Variants in RAPGEF1 observed in about 807,000 individuals in gnomAD.
RAPGEF1 encodes CRK SH3-binding GNRP.
A neutral mutation model predicts 143.3 loss-of-function variants in RAPGEF1; 33 were observed. That is an observed-to-expected ratio of 0.23 (90% CI 0.17 to 0.31). RAPGEF1 has a LOEUF of 0.31. RAPGEF1 is among the 10% of genes least tolerant of loss of function. The pLI is 1.00. For synonymous variants in RAPGEF1, 629 were observed against 676.5 expected (o/e 0.93, Z 1.09); for missense variants, 1,199 against 1,645.4 (o/e 0.73, Z 4.69).
At position 131,715,218 on chromosome 9, in the gene RAPGEF1, C is replaced by T. The variant is rs1239316674; in HGVS notation, c.61+24552G>A. Among the ~76,000 whole-genome samples the T allele has an allele frequency of 5.3e-5, 8 of 152,174 alleles. No individual in the cohort carries two copies. The South Asian group carries it at 1.5e-3, about 28-fold the overall frequency. ...TACCAACACGGAGCTTGGGGAGGGT[C>T]GGATAACATGCACGAAGAATCACTT... On this transcript the variant is annotated intron_variant, in intron 1 of 26. Transcript: ENST00000683357.
chr9:131,630,291 G>A lies in RAPGEF1; in HGVS notation c.685C>T (p.Arg229Cys), dbSNP rs200166424. The change falls in exon 6 of 27, where the codon CGT (arginine) becomes TGT (cysteine). Residue 229 changes from arginine (R) to cysteine (C), a missense_variant. Physicochemically the swap from Arg to Cys is radical, Grantham distance 180. Transcript: ENST00000683357. ...TTCACGGGGCTCGTCGGAGACGGAC[G>A]TCCCTGCTTCTCGATGGTGAGCCTG... ...LVRLTIEKQG[R>C]PSPTSPVKPS... The A allele has an allele frequency of 4.1e-5, 66 of 1,613,608 alleles. No homozygotes were observed. Among genetic ancestry groups the A allele is most frequent in the Non-Finnish European group, 5.3e-5 (63 of 1,179,854 alleles).
intron 1 of RAPGEF1, among the ~76,000 whole-genome samples, chr9:131,724,812 T>C (rs1836534207): frequency 1.3e-5 from 2 of 152,214 alleles, no homozygotes; most frequent in Admixed American, 6.5e-5. Context: ...CTGTTCTCCC[T>C]TGTTGCAGAA....
chr9:131,693,791 C>A (rs186874728), intron 1 of RAPGEF1, among the ~76,000 whole-genome samples: 6 of 146,676 alleles, frequency 4.1e-5, no homozygotes, highest in African/African-American at 1.2e-4. Context: ...CCATTATATC[C>A]AGGGAATCTG....
At chr9:131,622,577 G>C (rs1315763574) in intron 10 of RAPGEF1, among the ~76,000 whole-genome samples, 1 of 152,172 alleles carries the variant, frequency 6.6e-6, no homozygotes, top group East Asian at 1.9e-4. Flanking sequence ...CTCTCTCCAG[G>C]AGTGTCACTG....
intron 1 of RAPGEF1, among the ~76,000 whole-genome samples, chr9:131,734,101 A>AT: frequency 6.6e-6 from 1 of 152,252 alleles, no homozygotes; most frequent in South Asian, 2.1e-4. Context: ...TCATTGGTAG[A>AT]TCTTTTTTTT....
chr9:131,683,473 G>A (rs1833084031), intron 1 of RAPGEF1, among the ~76,000 whole-genome samples: 1 of 152,234 alleles, frequency 6.6e-6, no homozygotes, highest in East Asian at 1.9e-4. Context: ...TACAACCTAT[G>A]GGAGCATTAC....
chr9:131,705,318 G>C (rs1449718878), intron 1 of RAPGEF1, among the ~76,000 whole-genome samples: 1 of 151,976 alleles, frequency 6.6e-6, no homozygotes, highest in East Asian at 1.9e-4. Flanking sequence ...TGAACCCTGC[G>C]ACTGCCCGCC....
intron 12 of RAPGEF1, among the ~76,000 whole-genome samples, chr9:131,612,511 T>A (rs1290380080): frequency 6.6e-6 from 1 of 152,234 alleles, no homozygotes; most frequent in Non-Finnish European, 1.5e-5. Flanking sequence ...CCAGTCCTGC[T>A]GCTGAGATGG....
At position 131,721,771 on chromosome 9, in the gene RAPGEF1, C is replaced by T. The variant is rs570663228; in HGVS notation, c.61+17999G>A. Reference sequence around the variant, plus strand: ...CGTAGACTTTTTTCTTGTCAATATTCCCTAAGTAAGATGGTATAGCACCTA... The same window carrying T: ...CGTAGACTTTTTTCTTGTCAATATTTCCTAAGTAAGATGGTATAGCACCTA... On this transcript the variant is annotated intron_variant, in intron 1 of 26. Coordinates refer to ENST00000683357, the MANE Select transcript of RAPGEF1 (RefSeq NM_001377935.1). 5.9e-5 allele frequency among the ~76,000 whole-genome samples: 9 copies of T among 151,966 alleles called. No homozygotes were observed. In the South Asian group the frequency reaches 1.0e-3, roughly 18 times the overall value.
chr9:131,639,924 A>T (rs1031129771), intron 4 of RAPGEF1, among the ~76,000 whole-genome samples: 1 of 152,234 alleles, frequency 6.6e-6, no homozygotes. Context: ...GCAAGGATCT[A>T]AAGTTTCCAT....
At chr9:131,709,576 G>C (rs760316734) in intron 1 of RAPGEF1, 1 of 1,591,840 alleles carries the variant, frequency 6.3e-7, no homozygotes, top group Non-Finnish European at 8.6e-7. Context: ...AGAGAAAACT[G>C]CCTCCTTGCT....
chr9:131,674,113 T>C (rs73561732), intron 1 of RAPGEF1, among the ~76,000 whole-genome samples: 2 of 152,332 alleles, frequency 1.3e-5, no homozygotes, highest in African/African-American at 2.4e-5. Flanking sequence ...GCTTTACAAA[T>C]TGAACCACCA....
rs73660054 is a variant in RAPGEF1, at chr9:131,738,291, A to G, written c.61+1479T>C. Among the ~76,000 whole-genome samples the G allele has an allele frequency of 5.7e-3, 868 of 152,030 alleles. 12 individuals carry two copies. Among genetic ancestry groups the G allele is most frequent in the African/African-American group, 0.02 (842 of 41,490 alleles). ...AAGTTCTTATAAAAGAACTCAGTGAATGTTCTTTTTAAAATAAATTATCCA... is the reference window on the plus strand; with the variant it reads ...AAGTTCTTATAAAAGAACTCAGTGAGTGTTCTTTTTAAAATAAATTATCCA... On this transcript the variant is annotated intron_variant, in intron 1 of 26. Transcript: ENST00000683357.
intron 1 of RAPGEF1, among the ~76,000 whole-genome samples, chr9:131,658,582 C>T (rs778199164): frequency 2.0e-5 from 3 of 152,068 alleles, no homozygotes; most frequent in African/African-American, 7.2e-5. Context: ...GTGATGTTAC[C>T]AACAGCAGCC....
chr9:131,721,218 A>T (rs1836242568), intron 1 of RAPGEF1, among the ~76,000 whole-genome samples: 1 of 151,992 alleles, frequency 6.6e-6, no homozygotes, highest in Non-Finnish European at 1.5e-5. Flanking sequence ...GTTAATGATT[A>T]CTCCCTCAGT....
At chr9:131,658,569 A>C (rs560021673) in intron 1 of RAPGEF1, among the ~76,000 whole-genome samples, 33 of 152,320 alleles carry the variant, frequency 2.2e-4, no homozygotes, top group Admixed American at 5.9e-4. Flanking sequence ...GTATAAATTG[A>C]CTGTGATGTT....
chr9:131,592,779 C>G, intron 17 of RAPGEF1, among the ~76,000 whole-genome samples: 1 of 152,200 alleles, frequency 6.6e-6, no homozygotes. Flanking sequence ...GAGACAGGGT[C>G]TCACTCTATC....
intron 17 of RAPGEF1, among the ~76,000 whole-genome samples, chr9:131,593,414 G>A (rs986601536): frequency 5.9e-5 from 9 of 152,228 alleles, no homozygotes; most frequent in African/African-American, 9.6e-5. Context: ...GCCACCCCCC[G>A]TGCCTGCTGA....
chr9:131,702,016 G>C (rs969904362), intron 1 of RAPGEF1, among the ~76,000 whole-genome samples: 1 of 151,906 alleles, frequency 6.6e-6, no homozygotes, highest in Non-Finnish European at 1.5e-5. Context: ...TCACTCCAAC[G>C]CCCTGACGTT....
Sources: allele counts gnomAD v4.1 joint callset (sites outside exome capture counted in the v4.1 genomes callset), GRCh38; gene constraint gnomAD v4.1.1; transcripts MANE v1.5; gene names NCBI Gene and HGNC (gene_info 2026-07-23, HGNC 2026-07-21).